Variants in DCAF7 observed in about 807,000 individuals in gnomAD.
DCAF7 encodes DDB1 and CUL4 associated factor 7.
A neutral mutation model predicts 41.2 loss-of-function variants in DCAF7; 4 were observed. That is an observed-to-expected ratio of 0.10 (90% confidence interval 0.05 to 0.22). The LOEUF is 0.22. Ranked by LOEUF, DCAF7 falls within the 10% of genes least tolerant of loss-of-function variation. The pLI is 1.00. For synonymous variants in DCAF7, 143 were observed against 164.2 expected (o/e 0.87, Z 0.99); for missense variants, 131 against 443.2 (o/e 0.30, Z 6.32).
intron 1 of DCAF7, among the ~76,000 whole-genome samples, chr17:63,569,608 A>C (rs1158045417): frequency 6.6e-6 from 1 of 152,280 alleles, no homozygotes; most frequent in East Asian, 1.9e-4. Context: ...TTTAATTCTA[A>C]GGTGTCTCAA....
At chr17:63,579,286 T>C in intron 2 of DCAF7, 51 bp from the exon 3 acceptor site, 1 of 1,304,004 alleles carries the variant, frequency 7.7e-7, no homozygotes, top group Non-Finnish European at 1.1e-6. Flanking sequence ...TTAAAAGACT[T>C]TTTATGAGGA....
chr17:63,583,034 AGGTTTCACAGAATCAGCTTG>A (rs1382380426), intron 4 of DCAF7, among the ~76,000 whole-genome samples: 1 of 152,220 alleles, frequency 6.6e-6, no homozygotes, highest in African/African-American at 2.4e-5. Context: ...TCTCAGGTCC[AGGTTTCACAGAATCAGCTTG>A]GCTGCTATTA....
intron 1 of DCAF7, among the ~76,000 whole-genome samples, chr17:63,553,174 CTT>C (rs1021076435): frequency 7.3e-4 from 111 of 152,232 alleles, no homozygotes; most frequent in African/African-American, 2.5e-3. Flanking sequence ...AATAAATTAA[CTT>C]ATTGATTTAC....
chr17:63,572,832 A>G (rs1047360149), intron 1 of DCAF7, among the ~76,000 whole-genome samples: 1 of 152,132 alleles, frequency 6.6e-6, no homozygotes, highest in Non-Finnish European at 1.5e-5. Context: ...GCATGATCTC[A>G]GCTCACTGCA....
At chr17:63,564,635 G>A (rs1034892413) in intron 1 of DCAF7, among the ~76,000 whole-genome samples, 35 of 152,308 alleles carry the variant, frequency 2.3e-4, no homozygotes, top group African/African-American at 7.7e-4. Context: ...AAACTGGAGC[G>A]GAGGATGGTC....
At chr17:63,575,426 G>A (rs981338688) in intron 1 of DCAF7, among the ~76,000 whole-genome samples, 5 of 152,202 alleles carry the variant, frequency 3.3e-5, no homozygotes, top group Non-Finnish European at 7.3e-5. Flanking sequence ...GCAGCCGGGC[G>A]TAGTGGTTCA....
rs1442426270 is a variant in DCAF7, at chr17:63,590,526, C to T, written c.*1354C>T. 2.6e-5 allele frequency: 4 copies of T among 152,706 alleles called. No homozygotes were observed. The highest frequency in any genetic ancestry group is 5.9e-5 in the Non-Finnish European group (4 of 68,104). The allele number at this position is 152,706 out of a possible 1,614,324, so 9.5% of individuals were successfully genotyped here. A position where few individuals can be genotyped will look rare whatever the true frequency, so the allele number is the denominator to read the frequency against. On this transcript the variant is annotated 3_prime_UTR_variant, in exon 7 of 7. Transcript: ENST00000614556. ...GTTCTGAGCAGTATTGGACTTGTAG[C>T]CTGCAGTTGTCTTTTGACTTGCAGG...
chr17:63,573,052 C>T (rs1451919564), intron 1 of DCAF7, among the ~76,000 whole-genome samples: 6 of 152,202 alleles, frequency 3.9e-5, no homozygotes, highest in Admixed American at 3.3e-4. Flanking sequence ...TGTGAGCCAC[C>T]ACACCCAGCC....
chr17:63,565,578 A>AAAT (rs569519234), intron 1 of DCAF7, among the ~76,000 whole-genome samples: 7 of 151,948 alleles, frequency 4.6e-5, no homozygotes, highest in Non-Finnish European at 1.0e-4. Context: ...AAAAAATAAT[A>AAAT]AATAATAATA....
chr17:63,550,756 C>A lies in DCAF7; in HGVS notation c.79C>A (p.Arg27=). 6.2e-7 allele frequency: 1 copy of A among 1,613,902 alleles called. No individual in the cohort carries two copies. Among genetic ancestry groups the A allele is most frequent in the Non-Finnish European group, 8.5e-7 (1 of 1,179,822 alleles). The change falls in exon 1 of 7, where the codon CGG becomes AGG. Residue 27 remains arginine (R), a synonymous_variant. Transcript: ENST00000614556. This position sits in a 1 kb window ranked among gnomAD's most constrained non-coding sequence, Gnocchi z 4.8. ...AGTCTACGCGATGAACTGGAGTGTG[C>A]GGCCCGATAAGCGCTTTCGCTTGGC... ...WTVYAMNWSV[R]PDKRFRLALG...
chr17:63,584,623 G>A (rs189732763), intron 5 of DCAF7, among the ~76,000 whole-genome samples: 35 of 152,196 alleles, frequency 2.3e-4, no homozygotes, highest in African/African-American at 7.7e-4. Flanking sequence ...TTAGCCGGGC[G>A]TGGTGTCAGG....
intron 1 of DCAF7, among the ~76,000 whole-genome samples, chr17:63,551,411 C>A (rs1296765356): frequency 2.7e-5 from 4 of 150,144 alleles, no homozygotes; most frequent in African/African-American, 9.8e-5. Flanking sequence ...GAAATCTTGG[C>A]CTGTGGCATG....
At chr17:63,551,272 G>T (rs1271105235) in intron 1 of DCAF7, among the ~76,000 whole-genome samples, 1 of 151,404 alleles carries the variant, frequency 6.6e-6, no homozygotes, top group East Asian at 1.9e-4. Context: ...CTATTAAGAC[G>T]ATCTATTGTA....
At chr17:63,575,942 T>G (rs911374108) in intron 1 of DCAF7, among the ~76,000 whole-genome samples, 1 of 152,214 alleles carries the variant, frequency 6.6e-6, no homozygotes, top group African/African-American at 2.4e-5. Flanking sequence ...ACTGTCTGAT[T>G]TTAGAACTTA....
chr17:63,558,475 G>T (rs1315862878), intron 1 of DCAF7, among the ~76,000 whole-genome samples: 1 of 152,212 alleles, frequency 6.6e-6, no homozygotes, highest in Non-Finnish European at 1.5e-5. Context: ...TTCTTGTATA[G>T]TAAAGCTTGG....
Position 63,593,798 on chromosome 17 carries a change from A to G in DCAF7, c.*4626A>G, listed in dbSNP as rs1411990013. ...CAGAGTGAATTTGTAGCATGATTGT[A>G]TAAACCTCTATGTAGAAAATGGAGA... On this transcript the variant is annotated 3_prime_UTR_variant, in exon 7 of 7. Coordinates refer to ENST00000614556, the MANE Select transcript of DCAF7 (RefSeq NM_005828.5). 1.3e-5 allele frequency: 2 copies of G among 152,650 alleles called. No homozygotes were observed. The highest frequency in any genetic ancestry group is 2.9e-5 in the Non-Finnish European group (2 of 68,048). 9.5% of individuals were successfully genotyped at this position (152,650 alleles called of 1,614,324 possible). A position where few individuals can be genotyped will look rare whatever the true frequency, so the allele number is the denominator to read the frequency against.
intron 1 of DCAF7, chr17:63,573,261 C>T (rs550413188): frequency 2.6e-5 from 4 of 152,314 alleles, no homozygotes; most frequent in African/African-American, 9.6e-5. Flanking sequence ...GAACACTTTA[C>T]AAATTTCCAT....
rs1052752039 is a variant in DCAF7 at position 63,570,612 on chromosome 17, A to G, written c.139-7858A>G. Among the ~76,000 whole-genome samples the G allele has an allele frequency of 2.0e-5, 3 of 152,296 alleles. No homozygotes were observed. In the East Asian group the frequency reaches 5.8e-4, roughly 29 times the overall value. On this transcript the variant is annotated intron_variant, in intron 1 of 6. Transcript: ENST00000614556. Reference sequence around the variant, plus strand: ...TGCATAGTTAGGTGGTAAGAGTGTAAATTGCAAGGCAAGTCAGAAAGTAGT... The same window carrying G: ...TGCATAGTTAGGTGGTAAGAGTGTAGATTGCAAGGCAAGTCAGAAAGTAGT...
At chr17:63,583,464 G>A in intron 4 of DCAF7, 38 bp from the exon 5 acceptor site, 1 of 1,576,176 alleles carries the variant, frequency 6.3e-7, no homozygotes, top group Non-Finnish European at 8.7e-7. Flanking sequence ...AAGAGGTAAT[G>A]GATCTGAATC....
Sources: allele counts gnomAD v4.1 joint callset (sites outside exome capture counted in the v4.1 genomes callset), GRCh38; gene constraint gnomAD v4.1.1; non-coding constraint Gnocchi (gnomAD v3.1); transcripts MANE v1.5; gene names NCBI Gene and HGNC (gene_info 2026-07-23, HGNC 2026-07-21).